The following WDPCP variants were observed in gnomAD, a reference collection of about 807,000 sequenced individuals.
WDPCP encodes the protein WD repeat-containing and planar cell polarity effector protein fritz homolog.
A neutral mutation model predicts 93.1 loss-of-function variants in WDPCP; 71 were observed. The observed-to-expected ratio is 0.76, with a 90% confidence interval of 0.63 to 0.93. WDPCP has a LOEUF of 0.93. Ranked by LOEUF, WDPCP falls within the 40% of genes least tolerant of loss-of-function variation. The pLI is 0.00. For synonymous variants in WDPCP, 315 were observed against 315.0 expected (o/e 1.00, Z 0.00); for missense variants, 844 against 887.4 (o/e 0.95, Z 0.62).
At chr2:63,210,435 C>T (rs1159648118) in intron 14 of WDPCP, among the ~76,000 whole-genome samples, 3 of 152,120 alleles carry the variant, frequency 2.0e-5, no homozygotes, top group East Asian at 1.9e-4. Flanking sequence ...ATTAACTTTA[C>T]ACACATTTAA....
At chr2:63,232,667 TG>T (rs1679022748) in intron 14 of WDPCP, 1 of 153,036 alleles carries the variant, frequency 6.5e-6, no homozygotes, top group African/African-American at 2.4e-5. Flanking sequence ...ATATGAATTT[TG>T]TCTTTTCCTC....
chr2:63,634,665 A>G (rs981383343), intron 3 of WDPCP, among the ~76,000 whole-genome samples: 8 of 152,198 alleles, frequency 5.3e-5, no homozygotes, highest in African/African-American at 1.9e-4. Flanking sequence ...AAAATTTACA[A>G]ATATGTTAAA....
At chr2:63,144,686 T>C (rs551978998) in intron 17 of WDPCP, among the ~76,000 whole-genome samples, 9 of 152,368 alleles carry the variant, frequency 5.9e-5, no homozygotes, top group South Asian at 2.1e-4. Context: ...CGCATTAAAA[T>C]TGGGCTTCAC....
intron 12 of WDPCP, among the ~76,000 whole-genome samples, chr2:63,360,488 T>G (rs1411617432): frequency 1.3e-5 from 2 of 152,248 alleles, no homozygotes; most frequent in Non-Finnish European, 2.9e-5. Context: ...CCATACCTTA[T>G]GCCAAACATA....
chr2:63,803,611 TATAAAAATATAGAA>T (rs1670724626), intron 2 of WDPCP, among the ~76,000 whole-genome samples: 1 of 152,196 alleles, frequency 6.6e-6, no homozygotes. Context: ...ATAGGAATTA[TATAAAAATATAGAA>T]AGCTATTAAA....
At chr2:63,619,099 C>G (rs1358944329) in intron 3 of WDPCP, among the ~76,000 whole-genome samples, 1 of 152,226 alleles carries the variant, frequency 6.6e-6, no homozygotes, top group Non-Finnish European at 1.5e-5. Flanking sequence ...ACTATCAGGT[C>G]TCCCAGGAGG....
rs1694366604 is a variant in WDPCP, at chr2:63,404,149, G to C, written c.1334C>G (p.Ala445Gly). The C allele has an allele frequency of 1.2e-6, 2 of 1,613,992 alleles. No homozygotes were observed. The highest frequency in any genetic ancestry group is 1.3e-5 in the African/African-American group (1 of 74,916). ...SSSLVQMQWI[A>G]PQVVSQKGEG... is the part of the protein sequence containing the mutation. ...ACCCTTCTGAGAAACAACCTGAGGAGCTATCCATTGCATTTGAACAAGACT... is the reference window on the plus strand; with the variant it reads ...ACCCTTCTGAGAAACAACCTGAGGACCTATCCATTGCATTTGAACAAGACT... The change falls in exon 10 of 18, where the codon GCT becomes GGT. Residue 445 changes from alanine (A) to glycine (G), a missense_variant. Transcript: ENST00000272321.
chr2:63,533,274 C>T (rs1704003339), intron 1 of WDPCP, among the ~76,000 whole-genome samples: 1 of 152,128 alleles, frequency 6.6e-6, no homozygotes, highest in Admixed American at 6.5e-5. Flanking sequence ...ACTTGAACAC[C>T]TCACCATCAA....
At chr2:63,489,288 G>C (rs537009691) in intron 2 of WDPCP, among the ~76,000 whole-genome samples, 6 of 152,182 alleles carry the variant, frequency 3.9e-5, no homozygotes, top group Non-Finnish European at 8.8e-5. Flanking sequence ...GAGAAAATTA[G>C]AATGAACCCT....
intron 2 of WDPCP, among the ~76,000 whole-genome samples, chr2:63,772,236 T>A (rs1220283480): frequency 6.6e-6 from 1 of 152,126 alleles, no homozygotes; most frequent in Non-Finnish European, 1.5e-5. Flanking sequence ...CTGACTGATG[T>A]GAGATGGCAT....
chr2:63,676,665 T>G (rs1434772147), intron 2 of WDPCP, among the ~76,000 whole-genome samples: 1 of 152,080 alleles, frequency 6.6e-6, no homozygotes, highest in Non-Finnish European at 1.5e-5. Flanking sequence ...TGCTAGGGGT[T>G]AGAAAAGAAA....
At chr2:63,229,166 CAT>C (rs1320326017) in intron 14 of WDPCP, 1 of 152,208 alleles carries the variant, frequency 6.6e-6, no homozygotes, top group East Asian at 1.9e-4. Flanking sequence ...TTTTGATTTG[CAT>C]TTCTCTGATG....
intron 9 of WDPCP, among the ~76,000 whole-genome samples, chr2:63,406,475 G>A (rs1694596119): frequency 6.6e-6 from 1 of 152,146 alleles, no homozygotes; most frequent in Admixed American, 6.6e-5. Flanking sequence ...GCATACACTT[G>A]TAAAGGAGAA....
chr2:63,373,870 A>T (rs1252687190), intron 12 of WDPCP, among the ~76,000 whole-genome samples: 1 of 152,090 alleles, frequency 6.6e-6, no homozygotes, highest in Non-Finnish European at 1.5e-5. Context: ...TCTAGAATGA[A>T]TATCTTTATC....
chr2:63,819,891 A>G (rs545051337), intron 1 of WDPCP, among the ~76,000 whole-genome samples: 1 of 152,108 alleles, frequency 6.6e-6, no homozygotes, highest in Non-Finnish European at 1.5e-5. Context: ...CAGACTTCAT[A>G]TGTCGCTCAT....
chr2:63,413,632 C>T (rs184302567), intron 9 of WDPCP, among the ~76,000 whole-genome samples: 88 of 152,170 alleles, frequency 5.8e-4, no homozygotes, highest in Admixed American at 5.5e-3. Context: ...CCCATCTCTA[C>T]TAAAAATACA....
chr2:63,200,687 G>C (rs1416606831), intron 14 of WDPCP, among the ~76,000 whole-genome samples: 1 of 152,076 alleles, frequency 6.6e-6, no homozygotes, highest in Non-Finnish European at 1.5e-5. Context: ...GGTAGTGGGG[G>C]AGAGTGAGGA....
intron 6 of WDPCP, among the ~76,000 whole-genome samples, chr2:63,471,201 T>G (rs953443367): frequency 1.3e-5 from 2 of 152,222 alleles, no homozygotes; most frequent in Non-Finnish European, 2.9e-5. Flanking sequence ...TTCACTGCTA[T>G]CCCCAGCACA....
upstream of WDPCP, among the ~76,000 whole-genome samples, chr2:63,831,768 T>C (rs1004823089): frequency 2.6e-5 from 4 of 152,180 alleles, no homozygotes; most frequent in Admixed American, 6.5e-5. Context: ...AACCAATCTT[T>C]TTTCATTTAA....
Sources: gnomAD v4.1 joint callset for allele counts (sites outside exome capture counted in the v4.1 genomes callset) on GRCh38, gnomAD v4.1.1 for gene constraint, MANE v1.5 for transcripts, NCBI Gene and HGNC (gene_info 2026-07-23, HGNC 2026-07-21) for gene names.